Variants in DIAPH2 observed in about 807,000 individuals in gnomAD.
DIAPH2 encodes protein diaphanous homolog 2.
Under a neutral mutation model 92.7 loss-of-function variants are expected in DIAPH2, and 35 were observed. The observed-to-expected ratio is 0.38, with a 90% CI of 0.29 to 0.50. The LOEUF (loss-of-function observed/expected upper bound fraction) is 0.50, where lower values mean the gene tolerates loss of function less well. DIAPH2 is among the 20% of genes least tolerant of loss of function. The pLI is 0.94. For missense variants in DIAPH2, 701 were observed against 819.5 expected (o/e 0.86, Z 1.77); for synonymous variants, 301 against 280.4 (o/e 1.07, Z -0.73).
intron 14 of DIAPH2, 94 bp from the exon 15 acceptor site, chrX:96,948,841 A>G: frequency 4.7e-6 from 2 of 424,674 alleles, no homozygotes; most frequent in Non-Finnish European, 7.4e-6. Context: ...GAATTCAACT[A>G]AGTAAAAACC....
chrX:96,947,919 T>C (rs2065748227), intron 14 of DIAPH2, among the ~76,000 whole-genome samples: 1 of 112,221 alleles, frequency 8.9e-6, no homozygotes. Context: ...CTTAGAGCCC[T>C]GTCTGAGGTA....
At chrX:97,340,648 TG>T (rs1325456302) in intron 23 of DIAPH2, among the ~76,000 whole-genome samples, 4 of 107,152 alleles carry the variant, frequency 3.7e-5, no homozygotes, top group African/African-American at 1.4e-4. Flanking sequence ...TTTGTTTTAT[TG>T]TTTTTTTTGT....
At chrX:97,094,013 G>A (rs935637599) in intron 19 of DIAPH2, among the ~76,000 whole-genome samples, 6 of 112,113 alleles carry the variant, frequency 5.4e-5, no homozygotes, top group African/African-American at 1.9e-4. Flanking sequence ...GTAATTGCCA[G>A]TTTGAAAGCT....
intron 17 of DIAPH2, among the ~76,000 whole-genome samples, chrX:97,042,915 A>G (rs2066457011): frequency 9.0e-6 from 1 of 110,807 alleles, no homozygotes; most frequent in South Asian, 3.7e-4. Flanking sequence ...TAGATTTTAA[A>G]GAATACTTGT....
At chrX:96,790,752 G>T (rs1480612835) in intron 4 of DIAPH2, among the ~76,000 whole-genome samples, 1 of 111,874 alleles carries the variant, frequency 8.9e-6, no homozygotes, top group Non-Finnish European at 1.9e-5. Context: ...TATTGACAGT[G>T]AGATGTGACA....
chrX:97,004,683 C>T (rs1373223850), intron 17 of DIAPH2, among the ~76,000 whole-genome samples: 6 of 111,942 alleles, frequency 5.4e-5, no homozygotes, highest in Non-Finnish European at 1.1e-4. Flanking sequence ...AACTTGTCAG[C>T]TCTTATAGTT....
rs781030252 is a variant in DIAPH2 at position 97,007,330 on chromosome X, A to G, written c.2050+42123A>G. 3.6e-5 allele frequency among the ~76,000 whole-genome samples: 4 copies of G among 111,849 alleles called. No homozygotes were observed. In the South Asian group the frequency reaches 1.5e-3, roughly 42 times the overall value. ...ATTAATGTCCTTTTCTTTCTGATTG[A>G]AGAACTTTCTTTAGCATTTCTTGTT... On this transcript the variant is annotated intron_variant, in intron 17 of 26. Transcript: ENST00000324765.
intron 5 of DIAPH2, among the ~76,000 whole-genome samples, chrX:96,901,532 GTTTTTTTTTTTTTTTTTT>G (rs369526046): frequency 3.0e-5 from 1 of 33,083 alleles, no homozygotes; most frequent in Non-Finnish European, 6.1e-5. Flanking sequence ...TTTTCTTTCT[GTTTTTTTTTTTTTTTTTT>G]TTTTTTTTTG....
In DIAPH2 at chrX:97,313,678, G is replaced by A. The variant is rs190583269; in HGVS notation, c.2845-34438G>A. Among the ~76,000 whole-genome samples the A allele has an allele frequency of 6.2e-3, 680 of 110,185 alleles. 3 individuals carry two copies. The highest frequency in any genetic ancestry group is 0.021 in the African/African-American group (633 of 30,340). On this transcript the variant is annotated intron_variant, in intron 23 of 26. Coordinates refer to ENST00000324765, the MANE Select transcript of DIAPH2 (RefSeq NM_006729.5). ...TTTTGAGACAGAGTCTCCCTCTCTC[G>A]CCCCGGCTGGAGTGCAGTGGTGTGA... is the stretch of plus-strand genomic sequence containing the variant.
intron 26 of DIAPH2, among the ~76,000 whole-genome samples, chrX:97,571,805 G>C (rs1210106093): frequency 1.8e-5 from 2 of 111,755 alleles, no homozygotes; most frequent in Admixed American, 1.9e-4. Flanking sequence ...TAGCCCCACT[G>C]AGGCAAATGC....
chrX:97,544,069 T>C (rs900332657), intron 26 of DIAPH2, among the ~76,000 whole-genome samples: 1 of 111,610 alleles, frequency 9.0e-6, no homozygotes, highest in African/African-American at 3.3e-5. Context: ...TTATTGACCA[T>C]TGATAGAAAA....
chrX:97,208,492 T>G (rs1050901710), intron 22 of DIAPH2, among the ~76,000 whole-genome samples: 2 of 112,137 alleles, frequency 1.8e-5, no homozygotes, highest in African/African-American at 6.5e-5. Context: ...CAGATTAACT[T>G]GGATCTAATT....
chrX:96,755,684 A>G, intron 3 of DIAPH2, among the ~76,000 whole-genome samples: 1 of 105,145 alleles, frequency 9.5e-6, no homozygotes, highest in South Asian at 4.4e-4. Flanking sequence ...TAACATTGAT[A>G]CTGTTCTTCG....
intron 24 of DIAPH2, among the ~76,000 whole-genome samples, chrX:97,373,659 G>C (rs775308926): frequency 1.0e-5 from 1 of 97,468 alleles, no homozygotes; most frequent in Non-Finnish European, 2.0e-5. Context: ...CCAGGCTGGA[G>C]TGCAATGGCG....
At chrX:96,703,548 T>A (rs1385028505) in intron 1 of DIAPH2, among the ~76,000 whole-genome samples, 1 of 111,229 alleles carries the variant, frequency 9.0e-6, no homozygotes, top group East Asian at 2.8e-4. Context: ...CTTGTTGTTG[T>A]TTTTTTCCTC....
intron 24 of DIAPH2, among the ~76,000 whole-genome samples, chrX:97,378,196 A>G (rs1301474376): frequency 2.7e-5 from 3 of 110,209 alleles, no homozygotes; most frequent in African/African-American, 9.9e-5. Context: ...CAGCCTGGCC[A>G]ACATGGTGAG....
intron 4 of DIAPH2, among the ~76,000 whole-genome samples, chrX:96,839,202 T>TG (rs1308003790): frequency 9.0e-6 from 1 of 111,352 alleles, no homozygotes; most frequent in African/African-American, 3.3e-5. Flanking sequence ...TGGGCTAGAT[T>TG]GAAACCAAAT....
At position 97,601,992 on chromosome X, in the gene DIAPH2, C is replaced by CTGTT. The variant is rs772566733; in HGVS notation, c.*2677_*2680dup. The CTGTT allele has an allele frequency of 3.6e-5, 4 of 112,081 alleles. No individual in the cohort carries two copies. The highest frequency in any genetic ancestry group is 1.9e-4 in the Admixed American group (2 of 10,551). The allele number at this position is 112,081 out of a possible 1,213,427, so 9.2% of individuals were successfully genotyped here. ...CTGTATACCTAATCTGCCTCTGCCTCTGTTTAATAAGGATCCTTATGATGA... is the reference window on the plus strand; with the variant it reads ...CTGTATACCTAATCTGCCTCTGCCTCTGTTTGTTTAATAAGGATCCTTATGATGA... On this transcript the variant is annotated 3_prime_UTR_variant, in exon 27 of 27. Coordinates refer to ENST00000324765, the MANE Select transcript of DIAPH2 (RefSeq NM_006729.5).
intron 23 of DIAPH2, among the ~76,000 whole-genome samples, chrX:97,251,844 T>C (rs752757162): frequency 6.3e-4 from 70 of 111,560 alleles, no homozygotes; most frequent in Admixed American, 3.9e-3. Flanking sequence ...CAAAGGAAGG[T>C]ACGAAGGAGG....
Sources: allele counts gnomAD v4.1 joint callset (sites outside exome capture counted in the v4.1 genomes callset), GRCh38; gene constraint gnomAD v4.1.1; transcripts MANE v1.5; gene names NCBI Gene and HGNC (gene_info 2026-07-23, HGNC 2026-07-21).